Variants in ABCA12 observed in about 807,000 individuals in gnomAD.
The protein encoded by ABCA12 is ATP binding cassette subfamily A member 12, also known as glucosylceramide transporter ABCA12.
In ABCA12, 156 loss-of-function variants were observed where a neutral mutation model predicts 293.5. The observed-to-expected ratio is 0.53, with a 90% CI of 0.47 to 0.61. The LOEUF is 0.61. Among genes scored for constraint, ABCA12 ranks in the 20% least tolerant of loss-of-function variants. ABCA12 has a pLI of 0.00. For synonymous variants in ABCA12, 1,063 were observed against 1,108.0 expected (o/e 0.96, Z 0.81); for missense variants, 2,797 against 3,090.2 (o/e 0.91, Z 2.25).
Position 215,033,708 on chromosome 2 carries a change from G to A in ABCA12, c.986-1812C>T, listed in dbSNP as rs201767011. 5.3e-5 allele frequency among the ~76,000 whole-genome samples: 8 copies of A among 152,160 alleles called. No individual in the cohort carries two copies. The East Asian group carries it at 5.8e-4, about 11-fold the overall frequency. ...TGTAATCCCAGCATTTTGGGAGGTC[G>A]AGGTGGGCACATCACGAGGTCAGGA... On this transcript the variant is annotated intron_variant, in intron 8 of 52. Transcript: ENST00000272895.
chr2:215,011,572 T>C lies in ABCA12; in HGVS notation c.2199A>G (p.Gly733=). Residue 733 remains glycine (G), a synonymous_variant, in exon 17 of 53, where the codon GGA becomes GGG. Coordinates refer to ENST00000272895, the MANE Select transcript of ABCA12 (RefSeq NM_173076.3). ...STISQALCSQ[G]ITTEYLTAML... The stretch of plus-strand genomic sequence containing the variant: ...TGGCAGTTAAATATTCAGTGGTAAT[T>C]CCTTGAGAACATAATGCTTGGGAGA... 1.9e-6 allele frequency: 3 copies of C among 1,614,102 alleles called. No homozygotes were observed. Among genetic ancestry groups the C allele is most frequent in the Non-Finnish European group, 2.5e-6 (3 of 1,179,960 alleles).
Position 214,932,678 on chromosome 2 carries a change from A to G in ABCA12, c.7744T>C (p.Ser2582Pro), listed in dbSNP as rs773258182. 2.5e-6 allele frequency: 4 copies of G among 1,613,666 alleles called. No homozygotes were observed. The highest frequency in any genetic ancestry group is 3.4e-6 in the Non-Finnish European group (4 of 1,179,764). ...TCTTGTGAGTCAACACTTATAGTGG[A>G]ACCTTGGCTGCTGGTATCAGCAGTT... ...YETADTSSQG[S>P]TISVDSQDDQ... The change falls in exon 53 of 53, where the codon TCC (serine) becomes CCC (proline). Residue 2582 changes from serine to proline, a missense_variant. Physicochemically the swap from Ser to Pro is moderately conservative, Grantham distance 74 (BLOSUM62 -1). Around this residue, in one of 3 missense-constraint regions of ABCA12, gnomAD observed 2,130 missense variants for 2,427.0 expected, o/e 0.88. Transcript: ENST00000272895.
At chr2:215,117,952 G>A (rs1702719014) in intron 1 of ABCA12, among the ~76,000 whole-genome samples, 1 of 152,060 alleles carries the variant, frequency 6.6e-6, no homozygotes, top group South Asian at 2.1e-4. Context: ...CTTTAAATAG[G>A]GAAAGTACTC....
In ABCA12 at chr2:215,131,808, G is replaced by A. The variant is rs916866331; in HGVS notation, c.69+6332C>T. Among the ~76,000 whole-genome samples the A allele has an allele frequency of 3.5e-5, 5 of 143,796 alleles. No individual in the cohort carries two copies. In the Admixed American group the frequency reaches 3.6e-4, roughly 10 times the overall value. 94.3% of individuals were successfully genotyped at this position (143,796 alleles called of 152,430 possible). On this transcript the variant is annotated intron_variant, in intron 1 of 52. Coordinates refer to ENST00000272895, the MANE Select transcript of ABCA12 (RefSeq NM_173076.3). ...ATTTTATTTTGCTCTTGTTTTTCTA[G>A]TACCTTCAAGTGTGATGTTAAATTG...
rs368041060 is a variant in ABCA12 at position 214,932,324 on chromosome 2, T to C, written c.*310A>G. The C allele has an allele frequency of 1.9e-3, 580 of 305,556 alleles. 9 individuals are homozygous for C. The South Asian group carries it at 0.021, about 11-fold the overall frequency. 18.9% of individuals were successfully genotyped at this position (305,556 alleles called of 1,614,324 possible). A position where few individuals can be genotyped will look rare whatever the true frequency, so the allele number is the denominator to read the frequency against. On this transcript the variant is annotated 3_prime_UTR_variant, in exon 53 of 53. Coordinates refer to ENST00000272895, the MANE Select transcript of ABCA12 (RefSeq NM_173076.3). ...ATCCATGCCTTTTAAACTGTCTTTTTATTGAAAGTAATAAATTAAGATATT... is the reference window on the plus strand; with the variant it reads ...ATCCATGCCTTTTAAACTGTCTTTTCATTGAAAGTAATAAATTAAGATATT...
chr2:215,049,070 C>T (rs11889445), intron 6 of ABCA12, among the ~76,000 whole-genome samples: 5 of 151,952 alleles, frequency 3.3e-5, no homozygotes, highest in African/African-American at 1.2e-4. Flanking sequence ...CTTAGTACCT[C>T]GGTGACAGAA....
chr2:215,028,083 G>A (rs1700788500), intron 9 of ABCA12, among the ~76,000 whole-genome samples: 1 of 152,204 alleles, frequency 6.6e-6, no homozygotes, highest in South Asian at 2.1e-4. Flanking sequence ...TGTAAAGATA[G>A]AATAAATGTC....
intron 30 of ABCA12, among the ~76,000 whole-genome samples, chr2:214,981,668 A>C (rs1407491900): frequency 6.6e-6 from 1 of 152,038 alleles, no homozygotes; most frequent in African/African-American, 2.4e-5. Context: ...AAAAGATATC[A>C]TATTCGATAA....
chr2:215,100,349 C>G (rs181652876), intron 2 of ABCA12, among the ~76,000 whole-genome samples: 2 of 152,084 alleles, frequency 1.3e-5, no homozygotes, highest in Non-Finnish European at 2.9e-5. Context: ...CTCTTGAAAG[C>G]CACTTCCTCT....
At chr2:215,135,516 C>T (rs1182290154) in intron 1 of ABCA12, among the ~76,000 whole-genome samples, 1 of 152,120 alleles carries the variant, frequency 6.6e-6, no homozygotes, top group African/African-American at 2.4e-5. Flanking sequence ...CTATAAATTT[C>T]CTGTGTCCAT....
chr2:215,129,578 T>A (rs1259732798), intron 1 of ABCA12, among the ~76,000 whole-genome samples: 1 of 152,202 alleles, frequency 6.6e-6, no homozygotes, highest in Non-Finnish European at 1.5e-5. Flanking sequence ...AATGGGGTTG[T>A]TCGTTTTCTT....
At chr2:214,981,449 G>A (rs1699650530) in intron 30 of ABCA12, among the ~76,000 whole-genome samples, 1 of 152,102 alleles carries the variant, frequency 6.6e-6, no homozygotes, top group Non-Finnish European at 1.5e-5. Context: ...ATTTTCATTT[G>A]TGTATGTTTG....
intron 43 of ABCA12, 38 bp from the exon 44 acceptor site, chr2:214,954,145 G>A (rs201405054): frequency 6.2e-7 from 1 of 1,606,828 alleles, no homozygotes; most frequent in Non-Finnish European, 8.5e-7. Flanking sequence ...TCAGTGTTAA[G>A]TTTCCAAAAA....
At chr2:214,937,848 A>G (rs941713168) in intron 50 of ABCA12, among the ~76,000 whole-genome samples, 1 of 151,984 alleles carries the variant, frequency 6.6e-6, no homozygotes, top group African/African-American at 2.4e-5. Context: ...TTGGGCAAAA[A>G]TTGAGTTGAA....
chr2:215,086,899 T>C (rs1170427058), intron 2 of ABCA12, among the ~76,000 whole-genome samples: 1 of 149,798 alleles, frequency 6.7e-6, no homozygotes, highest in East Asian at 1.9e-4. Context: ...CCACAGAACT[T>C]ACCTTTCTCT....
chr2:214,972,605 A>G (rs958678597), intron 36 of ABCA12, among the ~76,000 whole-genome samples: 1 of 152,018 alleles, frequency 6.6e-6, no homozygotes, highest in Non-Finnish European at 1.5e-5. Context: ...ATGAGGTCTC[A>G]CTGTGTTGCC....
intron 15 of ABCA12, among the ~76,000 whole-genome samples, chr2:215,014,861 A>C (rs543969946): frequency 6.6e-6 from 1 of 152,298 alleles, no homozygotes; most frequent in East Asian, 1.9e-4. Context: ...GACCCAAGTG[A>C]AATTTGGGTG....
chr2:214,950,938 G>A lies in ABCA12; in HGVS notation c.6793C>T (p.Leu2265Phe), dbSNP rs772952514. ...QLYCLTKTYQ[L>F]IHKKIIAVNN... is the part of the protein sequence containing the mutation. ...ACAGCTATAATCTTTTTGTGGATAA[G>A]TTGGTAGGTCTTTGTGAGACAATAA... The change falls in exon 45 of 53, where the codon CTT becomes TTT. Residue 2265 changes from leucine to phenylalanine, a missense_variant. Coordinates refer to ENST00000272895, the MANE Select transcript of ABCA12 (RefSeq NM_173076.3). 1 of 1,614,180 alleles carries A rather than the reference G, an allele frequency of 6.2e-7. No individual in the cohort carries two copies. The highest frequency in any genetic ancestry group is 8.5e-7 in the Non-Finnish European group (1 of 1,180,036).
At chr2:214,985,569 A>C (rs888038678) in intron 28 of ABCA12, among the ~76,000 whole-genome samples, 2 of 152,152 alleles carry the variant, frequency 1.3e-5, no homozygotes, top group African/African-American at 4.8e-5. Flanking sequence ...GTTAAAAAAA[A>C]ATCTGGCCTT....
Sources: gnomAD v4.1 joint callset for allele counts (sites outside exome capture counted in the v4.1 genomes callset) on GRCh38, gnomAD v4.1.1 for gene constraint, gnomAD v4.1.1 regional missense constraint, MANE v1.5 for transcripts, NCBI Gene and HGNC (gene_info 2026-07-23, HGNC 2026-07-21) for gene names.